Variants in SNX29 observed in about 807,000 individuals in gnomAD.
SNX29 encodes the protein sorting nexin 29, also known as sorting nexin-29.
Under a neutral mutation model 102.1 loss-of-function variants are expected in SNX29, and 78 were observed. That is an observed-to-expected ratio of 0.76 (90% CI 0.64 to 0.92). SNX29 has a LOEUF of 0.92. Among genes scored for constraint, SNX29 ranks in the 40% least tolerant of loss-of-function variants. SNX29 has a pLI of 0.00. For synonymous variants in SNX29, 580 were observed against 414.5 expected, an observed-to-expected ratio of 1.40 and a Z score of -4.85; for missense variants, 1,280 against 1,061.7, an observed-to-expected ratio of 1.21 and a Z score of -2.86.
At chr16:12,134,288 C>T (rs1177327958) in intron 13 of SNX29, among the ~76,000 whole-genome samples, 1 of 152,202 alleles carries the variant, frequency 6.6e-6, no homozygotes, top group African/African-American at 2.4e-5. Context: ...ACAAATTATC[C>T]TCAAACTTGG....
chr16:12,243,436 A>G (rs2078171324), intron 14 of SNX29, among the ~76,000 whole-genome samples: 1 of 152,220 alleles, frequency 6.6e-6, no homozygotes, highest in African/African-American at 2.4e-5. Flanking sequence ...TCTATGATGA[A>G]TTTATTAATA....
intron 11 of SNX29, chr16:12,089,771 C>A (rs1330735122): frequency 3.1e-6 from 1 of 326,366 alleles, no homozygotes; most frequent in South Asian, 2.4e-5. Flanking sequence ...TTACTCACTT[C>A]CTCTTGCGAA....
At chr16:12,439,384 A>G (rs999279527) in intron 18 of SNX29, among the ~76,000 whole-genome samples, 1 of 152,166 alleles carries the variant, frequency 6.6e-6, no homozygotes, top group Non-Finnish European at 1.5e-5. Context: ...TAGCCACTAT[A>G]TTAGTTTGTT....
chr16:12,050,147 C>T (rs144703360), intron 7 of SNX29, among the ~76,000 whole-genome samples: 1 of 152,284 alleles, frequency 6.6e-6, no homozygotes. Flanking sequence ...ACTGAAATTT[C>T]TACACCCACA....
intron 13 of SNX29, among the ~76,000 whole-genome samples, chr16:12,182,078 GT>G (rs1459154000): frequency 1.3e-5 from 2 of 151,668 alleles, no homozygotes; most frequent in African/African-American, 4.8e-5. Context: ...TAGAGATGGG[GT>G]TTTTGCCATG....
At chr16:12,532,836 G>A (rs2076968474) in intron 20 of SNX29, among the ~76,000 whole-genome samples, 1 of 152,194 alleles carries the variant, frequency 6.6e-6, no homozygotes, top group African/African-American at 2.4e-5. Flanking sequence ...CTAGCGAGGG[G>A]AGCCAGTGTC....
intron 13 of SNX29, among the ~76,000 whole-genome samples, chr16:12,177,960 T>C (rs1334933455): frequency 6.6e-6 from 1 of 152,220 alleles, no homozygotes; most frequent in African/African-American, 2.4e-5. Flanking sequence ...GTCTAGCTTT[T>C]CTCCAGCTGT....
chr16:11,978,208 A>G (rs998007169), intron 1 of SNX29, among the ~76,000 whole-genome samples: 2 of 152,070 alleles, frequency 1.3e-5, no homozygotes, highest in Non-Finnish European at 2.9e-5. Context: ...TTTGGTTGCA[A>G]ATCAAATGAT....
At chr16:12,045,747 C>G (rs528714321) in intron 5 of SNX29, among the ~76,000 whole-genome samples, 1 of 151,784 alleles carries the variant, frequency 6.6e-6, no homozygotes, top group Admixed American at 6.6e-5. Flanking sequence ...CCTCAGCCTC[C>G]CGAGTAGCTG....
intron 18 of SNX29, among the ~76,000 whole-genome samples, chr16:12,413,574 A>G (rs2084494321): frequency 8.7e-6 from 1 of 114,298 alleles, no homozygotes; most frequent in Non-Finnish European, 2.2e-5. Context: ...GTGAGAAGTG[A>G]CAGGGCCCTC....
chr16:12,407,315 G>C (rs973654492), intron 18 of SNX29, among the ~76,000 whole-genome samples: 3 of 139,250 alleles, frequency 2.2e-5, no homozygotes, highest in Non-Finnish European at 3.1e-5. Context: ...ACAAGCTTAA[G>C]GTTAATTAGA....
At chr16:12,506,629 C>T (rs1248780604) in intron 19 of SNX29, among the ~76,000 whole-genome samples, 1 of 152,186 alleles carries the variant, frequency 6.6e-6, no homozygotes, top group Non-Finnish European at 1.5e-5. Flanking sequence ...AAAGAAATCA[C>T]TGAGCTTTCT....
chr16:12,511,025 C>T (rs918276429), intron 19 of SNX29, among the ~76,000 whole-genome samples: 2 of 152,016 alleles, frequency 1.3e-5, no homozygotes, highest in African/African-American at 2.4e-5. Context: ...GGTGCCATTT[C>T]GGCTCACTGC....
chr16:12,135,367 G>C (rs1347112584), intron 13 of SNX29, among the ~76,000 whole-genome samples: 1 of 152,192 alleles, frequency 6.6e-6, no homozygotes. Flanking sequence ...TGATGGGGCT[G>C]TCCCTGCCCT....
chr16:12,270,500 T>G (rs1258465139), intron 14 of SNX29, among the ~76,000 whole-genome samples: 1 of 152,172 alleles, frequency 6.6e-6, no homozygotes, highest in Non-Finnish European at 1.5e-5. Context: ...TGCATGAACT[T>G]AGCCTCATGG....
At chr16:12,325,934 G>A (rs1403192262) in intron 15 of SNX29, among the ~76,000 whole-genome samples, 1 of 152,036 alleles carries the variant, frequency 6.6e-6, no homozygotes. Context: ...GGAGACTGAG[G>A]CAGGAAGATT....
chr16:12,194,413 G>A (rs1189364424), intron 13 of SNX29, among the ~76,000 whole-genome samples: 1 of 152,122 alleles, frequency 6.6e-6, no homozygotes, highest in Non-Finnish European at 1.5e-5. Context: ...AGATGGTCAT[G>A]TCTCTTGTGA....
chr16:12,353,729 G>T (rs1163988981), intron 15 of SNX29, among the ~76,000 whole-genome samples: 1 of 152,246 alleles, frequency 6.6e-6, no homozygotes, highest in African/African-American at 2.4e-5. Context: ...TGTGGGGACT[G>T]AGTGAGTTAG....
Position 12,571,843 on chromosome 16 carries a change from C to G in SNX29, c.*3214C>G, listed in dbSNP as rs189166009. ...TTTGATTCCCACTTAGCAGTATGCT[C>G]CAATCACGTTGCTGGCAAGGCATTT... On this transcript the variant is annotated 3_prime_UTR_variant, in exon 21 of 21. Coordinates refer to ENST00000566228, the MANE Select transcript of SNX29 (RefSeq NM_032167.5). 239 of 1,054,254 alleles carry G rather than the reference C, an allele frequency of 2.3e-4. 1 individual carries two copies. The highest frequency in any genetic ancestry group is 2.1e-4 in the Non-Finnish European group (183 of 870,254). 65.3% of individuals were successfully genotyped at this position (1,054,254 alleles called of 1,614,324 possible).
Sources: gnomAD v4.1 joint callset for allele counts (sites outside exome capture counted in the v4.1 genomes callset) on GRCh38, gnomAD v4.1.1 for gene constraint, MANE v1.5 for transcripts, NCBI Gene and HGNC (gene_info 2026-07-23, HGNC 2026-07-21) for gene names.